RAB44: variants seen among roughly 807,000 people sequenced by gnomAD.
RAB44 encodes the protein ras-related protein Rab-44.
A neutral mutation model predicts 93.3 loss-of-function variants in RAB44; 67 were observed. The ratio of observed to expected loss-of-function variants is 0.72; its 90% CI spans 0.59 to 0.88. RAB44 has a LOEUF of 0.88. Among genes scored for constraint, RAB44 ranks in the 40% least tolerant of loss-of-function variants. The probability of loss-of-function intolerance (pLI) is 0.00; values close to 1 mark genes in which losing one functional copy is unlikely to be tolerated. For synonymous variants in RAB44, 427 were observed against 520.3 expected, an observed-to-expected ratio of 0.82 and a Z score of 2.44; for missense variants, 1,064 against 1,261.7, an observed-to-expected ratio of 0.84 and a Z score of 2.37.
In RAB44 at chr6:36,717,492, T is replaced by A; in HGVS notation, c.641+73T>A. On this transcript the variant is annotated intron_variant, in intron 5 of 13. Coordinates refer to ENST00000612677, the MANE Select transcript of RAB44 (RefSeq NM_001257357.2). The surrounding 1 kb of genome is among the most constrained non-coding windows in gnomAD (Gnocchi z 4.1). ...CACATTCCAGTGGAATCTGGTTGAA[T>A]TTCCCCAGCTCCTCCTGCAGCTGGG... is the stretch of plus-strand genomic sequence containing the variant. 2.4e-6 allele frequency: 3 copies of A among 1,225,252 alleles called. No homozygotes were observed. Among genetic ancestry groups the A allele is most frequent in the Non-Finnish European group, 3.1e-6 (3 of 982,624 alleles). The allele number at this position is 1,225,252 out of a possible 1,614,324, so 75.9% of individuals were successfully genotyped here.
chr6:36,698,821 G>T (rs979189368), intron 1 of RAB44, among the ~76,000 whole-genome samples: 2 of 152,074 alleles, frequency 1.3e-5, no homozygotes, highest in Admixed American at 1.3e-4. Context: ...CTGAGAGGCT[G>T]ATGGTGAGGG....
chr6:36,727,524 C>T, intron 10 of RAB44, 53 bp from the exon 11 acceptor site: 2 of 1,303,736 alleles, frequency 1.5e-6, no homozygotes, highest in South Asian at 1.3e-5. Context: ...TTGCAGAGGC[C>T]AGGGCCTGGG....
In RAB44 at chr6:36,722,518, C is replaced by T; in HGVS notation, c.2384C>T (p.Pro795Leu). Residue 795 changes from proline to leucine, a missense_variant, in exon 9 of 14, where the codon CCA becomes CTA. By Grantham distance (98) the Pro-to-Leu change is moderately conservative (BLOSUM62 -3). Coordinates refer to ENST00000612677, the MANE Select transcript of RAB44 (RefSeq NM_001257357.2). ...CAAGGCCCGCCTCACTCCAGGGAACCAAGGGCAGAGAGCAGGCTTGAAGAT... is the reference window on the plus strand; with the variant it reads ...CAAGGCCCGCCTCACTCCAGGGAACTAAGGGCAGAGAGCAGGCTTGAAGAT... Reference protein sequence around the residue: ...EEQGPPHSREPRAESRLEDPG... With the variant: ...EEQGPPHSRELRAESRLEDPG... 6.6e-7 allele frequency: 1 copy of T among 1,520,502 alleles called. No homozygotes were observed. 94.2% of individuals were successfully genotyped at this position (1,520,502 alleles called of 1,614,324 possible).
In RAB44 at chr6:36,731,891, C is replaced by T. The variant is rs186516975; in HGVS notation, c.2976-112C>T. ...TGTGGAATGCAGGGCAGGGGCAGAG[C>T]TGTTGTGGGGGTTGTGGGTGCGGCC... On this transcript the variant is annotated intron_variant, in intron 13 of 13. Coordinates refer to ENST00000612677, the MANE Select transcript of RAB44 (RefSeq NM_001257357.2). The surrounding 1 kb of genome is among the most constrained non-coding windows in gnomAD (Gnocchi z 4.0). 1.9e-3 allele frequency: 977 copies of T among 514,900 alleles called. 3 individuals carry two copies. Among genetic ancestry groups the T allele is most frequent in the Non-Finnish European group, 2.7e-3 (902 of 334,006 alleles). 31.9% of individuals were successfully genotyped at this position (514,900 alleles called of 1,614,324 possible). A position where few individuals can be genotyped will look rare whatever the true frequency, so the allele number is the denominator to read the frequency against.
intron 11 of RAB44, 106 bp from the exon 12 acceptor site, chr6:36,728,594 T>C: frequency 3.7e-6 from 3 of 817,494 alleles, no homozygotes; most frequent in Non-Finnish European, 6.1e-6. Context: ...GGATGTGGCC[T>C]GGGAGGGGGA....
At position 36,726,986 on chromosome 6, in the gene RAB44, A is replaced by T. The variant is rs1399440280; in HGVS notation, c.2682-591A>T. Among the ~76,000 whole-genome samples the T allele has an allele frequency of 2.0e-5, 3 of 149,172 alleles. No homozygotes were observed. In the East Asian group the frequency reaches 5.8e-4, roughly 29 times the overall value. ...CAGCTAATTTTTGTATTTTTAGTAG[A>T]CACAGGGTTTCACCATGTTGGCCAG... On this transcript the variant is annotated intron_variant, in intron 10 of 13. Coordinates refer to ENST00000612677, the MANE Select transcript of RAB44 (RefSeq NM_001257357.2).
intron 11 of RAB44, among the ~76,000 whole-genome samples, chr6:36,728,074 C>T (rs1354149745): frequency 1.3e-5 from 2 of 152,164 alleles, no homozygotes; most frequent in Non-Finnish European, 2.9e-5. Flanking sequence ...TGAAATTCTG[C>T]AGTGTGTACT....
In RAB44 at chr6:36,732,096, A is replaced by T; in HGVS notation, c.*3A>T. On this transcript the variant is annotated 3_prime_UTR_variant, in exon 14 of 14. Transcript: ENST00000612677. ...AGAGATTCGGCTGTTGCTCCTGATC[A>T]CCTGTCCTGTCCTGGGTAGGATGGA... The T allele has an allele frequency of 8.1e-7, 1 of 1,234,104 alleles. No individual in the cohort carries two copies. 76.4% of individuals were successfully genotyped at this position (1,234,104 alleles called of 1,614,324 possible).
intron 1 of RAB44, among the ~76,000 whole-genome samples, chr6:36,700,723 C>T (rs967260343): frequency 8.5e-5 from 13 of 152,318 alleles, no homozygotes; most frequent in African/African-American, 2.6e-4. Flanking sequence ...CAGGCCACCA[C>T]GCCCAGCTTA....
intron 9 of RAB44, among the ~76,000 whole-genome samples, chr6:36,723,935 C>A (rs1372520558): frequency 6.6e-6 from 1 of 151,204 alleles, no homozygotes; most frequent in African/African-American, 2.4e-5. Context: ...AGGGCACATG[C>A]CGACTGGGGA....
At position 36,733,089 on chromosome 6, in the gene RAB44, T is replaced by C. The variant is rs955195366; in HGVS notation, c.*996T>C. On this transcript the variant is annotated 3_prime_UTR_variant, in exon 14 of 14. Coordinates refer to ENST00000612677, the MANE Select transcript of RAB44 (RefSeq NM_001257357.2). The stretch of plus-strand genomic sequence containing the variant: ...GGGTTTCCAGTGCCCTCGGAGAGCT[T>C]GCTTTAGAGTCTTGGAGAGACGGCC... The C allele has an allele frequency of 6.6e-6, 1 of 152,210 alleles. No individual in the cohort carries two copies. Among genetic ancestry groups the C allele is most frequent in the Non-Finnish European group, 1.5e-5 (1 of 68,040 alleles). The allele number at this position is 152,210 out of a possible 1,614,324, so 9.4% of individuals were successfully genotyped here.
intron 10 of RAB44, among the ~76,000 whole-genome samples, chr6:36,727,014 C>T (rs955044870): frequency 4.2e-5 from 5 of 117,822 alleles, no homozygotes; most frequent in African/African-American, 1.0e-4. Flanking sequence ...TTGGCCAGGC[C>T]GATCTGGAAC....
rs1485376149 is a variant in RAB44 at position 36,722,630 on chromosome 6, C to T, written c.2496C>T (p.Tyr832=). ...AGGGPQANPD[Y]LFHVIFLGDS... is the part of the protein sequence containing the mutation. ...GGGGACCCCAGGCCAACCCTGATTA[C>T]CTCTTCCATGTCATCTTTCTGGGAG... is the stretch of plus-strand genomic sequence containing the variant. The change falls in exon 9 of 14, where the codon TAC becomes TAT. Residue 832 remains tyrosine (Y), a synonymous_variant. Coordinates refer to ENST00000612677, the MANE Select transcript of RAB44 (RefSeq NM_001257357.2). The T allele has an allele frequency of 4.5e-6, 7 of 1,550,672 alleles. No homozygotes were observed. The highest frequency in any genetic ancestry group is 6.1e-6 in the Non-Finnish European group (7 of 1,147,012).
At chr6:36,720,342 G>A (rs914064277) in intron 7 of RAB44, 21 bp from the exon 8 acceptor site, 12 of 1,232,138 alleles carry the variant, frequency 9.7e-6, no homozygotes, top group East Asian at 6.3e-5. Flanking sequence ...GCTTCTCTCC[G>A]CCTCACCCTC....
At chr6:36,698,571 G>T (rs1226159078) in intron 1 of RAB44, among the ~76,000 whole-genome samples, 5 of 152,174 alleles carry the variant, frequency 3.3e-5, no homozygotes, top group Non-Finnish European at 7.4e-5. Flanking sequence ...CGATTTCTTA[G>T]GTGAGGGATG....
chr6:36,704,473 A>G lies in RAB44; in HGVS notation c.207+31A>G, dbSNP rs764393960. 2.6e-6 allele frequency: 4 copies of G among 1,522,160 alleles called. No homozygotes were observed. In the South Asian group the frequency reaches 4.8e-5, roughly 18 times the overall value. 94.3% of individuals were successfully genotyped at this position (1,522,160 alleles called of 1,614,324 possible). On this transcript the variant is annotated intron_variant, in intron 2 of 13. Coordinates refer to ENST00000612677, the MANE Select transcript of RAB44 (RefSeq NM_001257357.2). ...CCCAAGACCCCCATTTGAATGCTGAATCCCTTTTCCGCAGCTCCTGACACC... is the reference window on the plus strand; with the variant it reads ...CCCAAGACCCCCATTTGAATGCTGAGTCCCTTTTCCGCAGCTCCTGACACC...
intron 2 of RAB44, among the ~76,000 whole-genome samples, chr6:36,712,636 A>G (rs558227461): frequency 1.3e-5 from 2 of 152,168 alleles, no homozygotes; most frequent in Non-Finnish European, 2.9e-5. Context: ...AAGTGCTGGG[A>G]TTACAGGTGT....
intron 2 of RAB44, among the ~76,000 whole-genome samples, chr6:36,707,281 T>C (rs1762672439): frequency 6.6e-6 from 1 of 150,622 alleles, no homozygotes; most frequent in African/African-American, 2.4e-5. Context: ...CACTTCAACG[T>C]GGGAGGCGGA....
At chr6:36,702,156 T>C (rs1462540696) in intron 1 of RAB44, among the ~76,000 whole-genome samples, 2 of 152,082 alleles carry the variant, frequency 1.3e-5, no homozygotes, top group Non-Finnish European at 2.9e-5. Context: ...ACTCCCACAG[T>C]GGCTGATGCC....
Sources: gnomAD v4.1 joint callset for allele counts (sites outside exome capture counted in the v4.1 genomes callset) on GRCh38, gnomAD v4.1.1 for gene constraint, Gnocchi (gnomAD v3.1) non-coding constraint, MANE v1.5 for transcripts, NCBI Gene and HGNC (gene_info 2026-07-23, HGNC 2026-07-21) for gene names.